Variants in CD163L1 observed in about 807,000 individuals in gnomAD.
CD163L1 encodes the protein CD163 molecule like 1.
In CD163L1, 124 loss-of-function variants were observed where a neutral mutation model predicts 165.4. The ratio of observed to expected loss-of-function variants is 0.75; its 90% CI spans 0.65 to 0.87. The LOEUF (loss-of-function observed/expected upper bound fraction) is 0.87. Ranked by LOEUF, CD163L1 falls within the 40% of genes least tolerant of loss-of-function variation. CD163L1 has a pLI of 0.00. For synonymous variants in CD163L1, 585 were observed against 662.2 expected, an observed-to-expected ratio of 0.88 and a Z score of 1.79; for missense variants, 1,525 against 1,799.9, an observed-to-expected ratio of 0.85 and a Z score of 2.76.
the CD163L1 span, among the ~76,000 whole-genome samples, chr12:7,338,820 C>A: frequency 6.6e-6 from 1 of 152,144 alleles, no homozygotes; most frequent in African/African-American, 2.4e-5. Flanking sequence ...CTTTAATCAC[C>A]TAGGAGATGG....
chr12:7,423,715 G>C (rs1565812453), intron 4 of CD163L1, among the ~76,000 whole-genome samples: 1 of 151,980 alleles, frequency 6.6e-6, no homozygotes, highest in Non-Finnish European at 1.5e-5. Flanking sequence ...ACACAAATAA[G>C]CTAGAAAACC....
chr12:7,427,171 G>A (rs1014766728), intron 4 of CD163L1, among the ~76,000 whole-genome samples: 2 of 148,722 alleles, frequency 1.3e-5, no homozygotes, highest in African/African-American at 5.2e-5. Context: ...GGAAATAGCG[G>A]ACTTGAACAA....
chr12:7,354,927 G>A (rs1277456141), downstream of CD163L1: 4 of 151,732 alleles, frequency 2.6e-5, no homozygotes, highest in African/African-American at 7.3e-5. Context: ...TTTTTTTTGC[G>A]AGGGGCAAAG....
chr12:7,439,706 G>A, intron 2 of CD163L1: 2 of 1,611,276 alleles, frequency 1.2e-6, no homozygotes, highest in Non-Finnish European at 1.7e-6. Context: ...TCCTCCAGGT[G>A]AGTCTCGGGC....
chr12:7,437,761 T>C (rs772038279), intron 2 of CD163L1, among the ~76,000 whole-genome samples: 1 of 151,784 alleles, frequency 6.6e-6, no homozygotes, highest in South Asian at 2.1e-4. Context: ...TATACTGTGG[T>C]ACATGATCAA....
At chr12:7,443,296 C>T (rs1948853257) in intron 1 of CD163L1, among the ~76,000 whole-genome samples, 1 of 152,186 alleles carries the variant, frequency 6.6e-6, no homozygotes, top group Non-Finnish European at 1.5e-5. Flanking sequence ...GGCACAGAGA[C>T]ACAATGCCAA....
Position 7,374,891 on chromosome 12 carries a change from C to G in CD163L1, c.3034G>C (p.Ala1012Pro). The G allele has an allele frequency of 6.2e-7, 1 of 1,614,038 alleles. No individual in the cohort carries two copies. ...SLTQPLFPCL[A>P]NVSDPYLSAV... ...GACAAATATGGGTCAGATACATTTG[C>G]GAGGCATGGAAACAGTGGCTGGGTC... The change falls in exon 12 of 20, where the codon GCA becomes CCA. Residue 1012 changes from alanine (A) to proline (P), a missense_variant. By Grantham distance (27) the Ala-to-Pro change is conservative. Transcript: ENST00000313599. This position sits in a 1 kb window ranked among gnomAD's most constrained non-coding sequence, Gnocchi z 5.4.
At position 7,433,607 on chromosome 12, in the gene CD163L1, G is replaced by C; in HGVS notation, c.212C>G (p.Thr71Ser). The change falls in exon 3 of 20, where the codon ACT becomes AGT. Residue 71 changes from threonine (T) to serine (S), a missense_variant. Coordinates refer to ENST00000313599, the MANE Select transcript of CD163L1 (RefSeq NM_174941.6). Reference protein sequence around the residue: ...VEVKFQGQWGTVCDDGWNTTA... With the variant: ...VEVKFQGQWGSVCDDGWNTTA... ...AGTGTTCCACCCATCATCACACACA[G>C]TCCCCCACTGTCCCTGGAATTTCAC... 6.2e-7 allele frequency: 1 copy of C among 1,614,108 alleles called. No individual in the cohort carries two copies. The highest frequency in any genetic ancestry group is 8.5e-7 in the Non-Finnish European group (1 of 1,180,004).
chr12:7,438,855 T>A (rs551546300), intron 2 of CD163L1: 2 of 1,569,902 alleles, frequency 1.3e-6, no homozygotes, highest in African/African-American at 2.7e-5. Flanking sequence ...TGGACAGATA[T>A]AGGCATAAGC....
the CD163L1 span, chr12:7,320,628 C>T: frequency 1.0e-6 from 1 of 984,886 alleles, no homozygotes; most frequent in African/African-American, 1.6e-5. Flanking sequence ...GGGATGGGCA[C>T]ATATTAATGG....
chr12:7,397,426 C>T (rs1321887414), intron 7 of CD163L1, among the ~76,000 whole-genome samples: 2 of 152,144 alleles, frequency 1.3e-5, no homozygotes, highest in East Asian at 3.9e-4. Flanking sequence ...GAATTCTCAA[C>T]CTCACAAGAT....
intron 4 of CD163L1, among the ~76,000 whole-genome samples, chr12:7,428,173 A>G (rs1259674883): frequency 6.6e-6 from 1 of 152,088 alleles, no homozygotes; most frequent in Non-Finnish European, 1.5e-5. Flanking sequence ...TTTGATTGCC[A>G]AGATATCCCC....
intron 8 of CD163L1, among the ~76,000 whole-genome samples, chr12:7,392,674 C>T (rs765235299): frequency 2.0e-5 from 3 of 152,072 alleles, no homozygotes; most frequent in Non-Finnish European, 4.4e-5. Flanking sequence ...TGATAGACCG[C>T]TACCAAAACT....
chr12:7,367,253 T>G lies in CD163L1; in HGVS notation c.4262A>C (p.His1421Pro). Residue 1421 changes from histidine (H) to proline (P), a missense_variant, in exon 18 of 20, where the codon CAT (histidine) becomes CCT (proline). Coordinates refer to ENST00000313599, the MANE Select transcript of CD163L1 (RefSeq NM_174941.6). The part of the protein sequence containing the change: ...METCLKREDP[H>P]GTRTSDDTPN... ...GCACAGACCTGAGGTTCTTGTCCCA[T>G]GTGGGTCCTCTCTCTTGAGGCAGGT... 6.2e-7 allele frequency: 1 copy of G among 1,612,790 alleles called. No homozygotes were observed.
chr12:7,391,419 C>T (rs911090162), intron 8 of CD163L1, among the ~76,000 whole-genome samples: 4 of 152,106 alleles, frequency 2.6e-5, no homozygotes, highest in African/African-American at 4.8e-5. Flanking sequence ...TAACAAACTT[C>T]TCCGAGCTAA....
At chr12:7,437,658 C>T (rs1407338272) in intron 2 of CD163L1, among the ~76,000 whole-genome samples, 1 of 148,266 alleles carries the variant, frequency 6.7e-6, no homozygotes, top group African/African-American at 2.5e-5. Flanking sequence ...CTACAAAGGG[C>T]ATGAACTCAT....
chr12:7,418,080 G>A (rs922919651), intron 4 of CD163L1, among the ~76,000 whole-genome samples: 5 of 151,868 alleles, frequency 3.3e-5, no homozygotes, highest in Admixed American at 6.6e-5. Context: ...TGCAGAATAT[G>A]CATTCTATTC....
At chr12:7,439,472 C>T (rs1256839370) in intron 2 of CD163L1, 1 of 1,582,594 alleles carries the variant, frequency 6.3e-7, no homozygotes, top group Non-Finnish European at 8.5e-7. Context: ...CCGGCCTTTG[C>T]TTTTTTCTTT....
At chr12:7,357,683 T>C in intron 18 of CD163L1, 197 bp from the exon 19 acceptor site, 2 of 374,782 alleles carry the variant, frequency 5.3e-6, no homozygotes, top group Non-Finnish European at 9.7e-6. Flanking sequence ...CCATTAAGTG[T>C]TACCAAAACA....
Sources: gnomAD v4.1 joint callset for allele counts (sites outside exome capture counted in the v4.1 genomes callset) on GRCh38, gnomAD v4.1.1 for gene constraint, Gnocchi (gnomAD v3.1) non-coding constraint, MANE v1.5 for transcripts, NCBI Gene and HGNC (gene_info 2026-07-23, HGNC 2026-07-21) for gene names.